DOCK8: variants seen among roughly 807,000 people sequenced by gnomAD.
The protein encoded by DOCK8 is dedicator of cytokinesis 8, also known as dedicator of cytokinesis protein 8.
In DOCK8, 141 loss-of-function variants were observed where a neutral mutation model predicts 245.6. The observed-to-expected ratio is 0.57, with a 90% CI of 0.50 to 0.66. The LOEUF (loss-of-function observed/expected upper bound fraction) is 0.66, where lower values mean the gene tolerates loss of function less well. Ranked by LOEUF, DOCK8 falls within the 30% of genes least tolerant of loss-of-function variation. The probability of loss-of-function intolerance (pLI) is 0.00; values close to 1 mark genes in which losing one functional copy is unlikely to be tolerated. For synonymous variants in DOCK8, 1,168 were observed against 970.2 expected, an observed-to-expected ratio of 1.20 and a Z score of -3.79; for missense variants, 2,965 against 2,603.4, an observed-to-expected ratio of 1.14 and a Z score of -3.02.
intron 2 of DOCK8, among the ~76,000 whole-genome samples, chr9:275,386 A>G (rs574302030): frequency 3.3e-5 from 5 of 152,264 alleles, no homozygotes; most frequent in African/African-American, 1.2e-4. Context: ...ATGTGATAGG[A>G]GGCAAAGGCT....
At chr9:255,304 C>T (rs2047742531) in intron 1 of DOCK8, among the ~76,000 whole-genome samples, 1 of 152,090 alleles carries the variant, frequency 6.6e-6, no homozygotes, top group South Asian at 2.1e-4. Context: ...AAAGAAATCA[C>T]CAATTAATGC....
intron 4 of DOCK8, among the ~76,000 whole-genome samples, chr9:303,541 C>T (rs138793198): frequency 2.2e-3 from 340 of 152,196 alleles, no homozygotes; most frequent in African/African-American, 7.9e-3. Flanking sequence ...AACACAGGAA[C>T]AGAAAACCAA....
chr9:359,696 A>G (rs2052624744), intron 14 of DOCK8, among the ~76,000 whole-genome samples: 1 of 151,988 alleles, frequency 6.6e-6, no homozygotes, highest in Non-Finnish European at 1.5e-5. Context: ...TGCTATAGAG[A>G]GTAAAAAGCG....
At chr9:440,504 TTCTC>T (rs2057060272) in intron 40 of DOCK8, among the ~76,000 whole-genome samples, 1 of 152,218 alleles carries the variant, frequency 6.6e-6, no homozygotes, top group Non-Finnish European at 1.5e-5. Context: ...TTTAACTGTC[TTCTC>T]TCTATTCTTG....
At chr9:214,582 A>G, upstream of DOCK8, 1 of 1,614,026 alleles carries the variant, frequency 6.2e-7, no homozygotes. Flanking sequence ...ATTCCCTGGC[A>G]GCCTCGCAGC....
At chr9:255,325 A>G (rs550588329) in intron 1 of DOCK8, among the ~76,000 whole-genome samples, 1 of 152,284 alleles carries the variant, frequency 6.6e-6, no homozygotes, top group African/African-American at 2.4e-5. Flanking sequence ...AGAAGGAAAT[A>G]AATTTCTGTA....
intron 1 of DOCK8, among the ~76,000 whole-genome samples, chr9:221,711 A>G (rs1234474962): frequency 6.6e-6 from 1 of 151,632 alleles, no homozygotes; most frequent in Non-Finnish European, 1.5e-5. Context: ...AGTCCCAGCT[A>G]CTCAGGAGGT....
intron 1 of DOCK8, among the ~76,000 whole-genome samples, chr9:242,829 A>G (rs756881300): frequency 6.7e-6 from 1 of 148,204 alleles, no homozygotes; most frequent in Non-Finnish European, 1.5e-5. Flanking sequence ...TTTTTTCCAT[A>G]TGCCATAATA....
At chr9:349,279 C>G (rs911207126) in intron 14 of DOCK8, among the ~76,000 whole-genome samples, 37 of 152,190 alleles carry the variant, frequency 2.4e-4, no homozygotes, top group Middle Eastern at 3.4e-3. Context: ...TCTTTACCCA[C>G]TGGTGTCAAC....
At chr9:420,805 C>T in intron 31 of DOCK8, 144 bp from the exon 32 acceptor site, 3 of 1,287,714 alleles carry the variant, frequency 2.3e-6, no homozygotes, top group Non-Finnish European at 3.4e-6. Flanking sequence ...AGAGTTTTGG[C>T]CCATAGGATG....
intron 29 of DOCK8, among the ~76,000 whole-genome samples, chr9:417,269 T>A (rs2056067041): frequency 6.6e-6 from 1 of 152,210 alleles, no homozygotes; most frequent in Non-Finnish European, 1.5e-5. Flanking sequence ...GATGATAGTG[T>A]GAGACTTTGT....
At chr9:413,753 T>A (rs1221138291) in intron 28 of DOCK8, among the ~76,000 whole-genome samples, 1 of 152,112 alleles carries the variant, frequency 6.6e-6, no homozygotes, top group Non-Finnish European at 1.5e-5. Flanking sequence ...GGTAATAAAG[T>A]GTTGGCAAGA....
In DOCK8 at chr9:344,453, T is replaced by A. The variant is rs140677187; in HGVS notation, c.1679+4132T>A. On this transcript the variant is annotated intron_variant, in intron 14 of 47. Coordinates refer to ENST00000432829, the MANE Select transcript of DOCK8 (RefSeq NM_203447.4). ...ACAGTTACCCAGTCCCAGATGAGTGTCCCCTTTCCTGCACCTCCCCCCATT... is the reference window on the plus strand; with the variant it reads ...ACAGTTACCCAGTCCCAGATGAGTGACCCCTTTCCTGCACCTCCCCCCATT... Among the ~76,000 whole-genome samples the A allele has an allele frequency of 9.2e-4, 140 of 152,184 alleles. 1 individual carries two copies. Among genetic ancestry groups the A allele is most frequent in the African/African-American group, 3.0e-3 (126 of 41,500 alleles).
At chr9:370,042 A>G (rs1381603621) in intron 15 of DOCK8, 188 bp from the exon 16 acceptor site, 11 of 631,082 alleles carry the variant, frequency 1.7e-5, no homozygotes, top group African/African-American at 7.3e-5. Flanking sequence ...GGCTCAAGCC[A>G]TTCTCCCACG....
chr9:298,448 A>C (rs2049364654), intron 4 of DOCK8, among the ~76,000 whole-genome samples: 1 of 152,178 alleles, frequency 6.6e-6, no homozygotes, highest in South Asian at 2.1e-4. Flanking sequence ...AAACAGAAAA[A>C]AGAATTGATT....
Position 224,357 on chromosome 9 carries a change from T to G in DOCK8, c.53+9328T>G, listed in dbSNP as rs544173536. ...CATGTTAATTTTTAAATACATGGTT[T>G]TAAAACACAGAATAAAAATTCTACC... On this transcript the variant is annotated intron_variant, in intron 1 of 47. Transcript: ENST00000432829. Among the ~76,000 whole-genome samples, 21 of 152,286 alleles carry G rather than the reference T, an allele frequency of 1.4e-4. No homozygotes were observed. The South Asian group carries it at 4.1e-3, about 30-fold the overall frequency.
chr9:377,463 A>T (rs572676854), intron 20 of DOCK8, among the ~76,000 whole-genome samples: 5 of 152,362 alleles, frequency 3.3e-5, no homozygotes, highest in Admixed American at 1.3e-4. Flanking sequence ...GATTATAGGC[A>T]GTCTTTAAAA....
At chr9:456,894 A>G (rs1467522887) in intron 46 of DOCK8, 1 of 152,212 alleles carries the variant, frequency 6.6e-6, no homozygotes, top group Admixed American at 6.5e-5. Flanking sequence ...TTTAATTTAA[A>G]TAAAAGATAG....
At chr9:367,636 A>G (rs957702907) in intron 14 of DOCK8, among the ~76,000 whole-genome samples, 1 of 152,216 alleles carries the variant, frequency 6.6e-6, no homozygotes, top group Non-Finnish European at 1.5e-5. Context: ...GAAAAAAGAG[A>G]AGAATGACAA....
Sources: gnomAD v4.1 joint callset for allele counts (sites outside exome capture counted in the v4.1 genomes callset) on GRCh38, gnomAD v4.1.1 for gene constraint, MANE v1.5 for transcripts, NCBI Gene and HGNC (gene_info 2026-07-23, HGNC 2026-07-21) for gene names.